The following NAV3 variants were observed in gnomAD, a reference collection of about 807,000 sequenced individuals.
NAV3 encodes neuron navigator 3.
NAV3 carries 87 observed loss-of-function variants against 244.7 expected under a neutral mutation model. The ratio of observed to expected loss-of-function variants is 0.36; its 90% CI spans 0.30 to 0.42. The LOEUF (loss-of-function observed/expected upper bound fraction) is 0.42, where lower values mean the gene tolerates loss of function less well. Among genes scored for constraint, NAV3 ranks in the 20% least tolerant of loss-of-function variants. The pLI, the probability that NAV3 is intolerant of heterozygous loss-of-function variation, is 1.00. For synonymous variants in NAV3, 1,126 were observed against 1,042.2 expected, an observed-to-expected ratio of 1.08 and a Z score of -1.55; for missense variants, 2,663 against 2,893.3, an observed-to-expected ratio of 0.92 and a Z score of 1.83.
intron 2 of NAV3, among the ~76,000 whole-genome samples, chr12:77,653,603 C>A (rs555005143): frequency 6.6e-6 from 1 of 152,262 alleles, no homozygotes; most frequent in African/African-American, 2.4e-5. Flanking sequence ...CCATATAACA[C>A]TATTGATTTG....
At chr12:77,660,496 A>G (rs548452733) in intron 2 of NAV3, among the ~76,000 whole-genome samples, 65 of 152,198 alleles carry the variant, frequency 4.3e-4, no homozygotes, top group Non-Finnish European at 6.9e-4. Context: ...TTCTAGACAA[A>G]TTATCTAAAG....
intron 2 of NAV3, among the ~76,000 whole-genome samples, chr12:77,654,780 A>G (rs940965853): frequency 6.9e-6 from 1 of 144,166 alleles, no homozygotes; most frequent in African/African-American, 2.8e-5. Context: ...ACGATCAGAC[A>G]GCAGCATATT....
intron 11 of NAV3, among the ~76,000 whole-genome samples, chr12:78,051,375 A>G (rs1882736402): frequency 1.3e-5 from 2 of 152,232 alleles, no homozygotes; most frequent in African/African-American, 4.8e-5. Context: ...TCTGTTGTTG[A>G]GAGAAACACA....
intron 2 of NAV3, among the ~76,000 whole-genome samples, chr12:77,671,616 T>TA: frequency 6.6e-6 from 1 of 152,058 alleles, no homozygotes; most frequent in East Asian, 1.9e-4. Context: ...ACCAAATACT[T>TA]ACAGCCAACT....
At chr12:78,141,818 C>T (rs1479186445) in intron 20 of NAV3, among the ~76,000 whole-genome samples, 1 of 152,084 alleles carries the variant, frequency 6.6e-6, no homozygotes, top group African/African-American at 2.4e-5. Flanking sequence ...TCCTGTTGGG[C>T]CAGCACTGCC....
chr12:77,931,575 A>G (rs77008457), intron 1 of NAV3, among the ~76,000 whole-genome samples: 5 of 152,118 alleles, frequency 3.3e-5, no homozygotes, highest in East Asian at 1.9e-4. Flanking sequence ...ATAAAAATCT[A>G]CTTGGAAGCG....
intron 2 of NAV3, among the ~76,000 whole-genome samples, chr12:77,700,338 T>C (rs2137199612): frequency 6.6e-6 from 1 of 152,202 alleles, no homozygotes; most frequent in East Asian, 1.9e-4. Context: ...AATGGGAGCA[T>C]GAAGGAGAGT....
At chr12:78,033,740 A>G (rs976502982) in intron 9 of NAV3, among the ~76,000 whole-genome samples, 2 of 152,296 alleles carry the variant, frequency 1.3e-5, no homozygotes, top group East Asian at 3.9e-4. Context: ...TGCTGGCTCC[A>G]TTGGACTGAG....
upstream of NAV3, among the ~76,000 whole-genome samples, chr12:77,830,752 T>G (rs188605570): frequency 5.5e-4 from 84 of 152,332 alleles, no homozygotes; most frequent in Middle Eastern, 3.4e-3. Flanking sequence ...GACAAACAAC[T>G]TTATTGCTGA....
chr12:77,661,554 G>C (rs551447121), intron 2 of NAV3, among the ~76,000 whole-genome samples: 4 of 152,122 alleles, frequency 2.6e-5, no homozygotes, highest in African/African-American at 9.6e-5. Context: ...TTTTGCTGAA[G>C]TTCAGTTTAA....
intron 2 of NAV3, among the ~76,000 whole-genome samples, chr12:77,730,035 A>G (rs941015222): frequency 6.6e-6 from 1 of 151,926 alleles, no homozygotes; most frequent in African/African-American, 2.4e-5. Context: ...CTTGTTGAAA[A>G]CATTCAGGCT....
intron 6 of NAV3, 25 bp from the exon 7 acceptor site, chr12:77,998,312 T>C (rs747668795): frequency 6.5e-7 from 1 of 1,532,222 alleles, no homozygotes; most frequent in South Asian, 1.3e-5. Context: ...ACAATAATGA[T>C]GTAATTTTTC....
chr12:77,934,985 A>C (rs1319457998), intron 1 of NAV3, among the ~76,000 whole-genome samples: 1 of 152,066 alleles, frequency 6.6e-6, no homozygotes, highest in Non-Finnish European at 1.5e-5. Flanking sequence ...TTCCCCTATC[A>C]CTTCTCCCTA....
intron 12 of NAV3, among the ~76,000 whole-genome samples, chr12:78,061,963 T>G (rs1884391099): frequency 6.6e-6 from 1 of 152,252 alleles, no homozygotes; most frequent in South Asian, 2.1e-4. Flanking sequence ...TTTATTCTAC[T>G]AAAAACTATG....
At position 78,212,978 on chromosome 12, in the gene NAV3, C is replaced by T. The variant is rs190058789; in HGVS notation, c.*2461C>T. 6.6e-6 allele frequency: 1 copy of T among 152,638 alleles called. No individual in the cohort carries two copies. The highest frequency in any genetic ancestry group is 2.4e-5 in the African/African-American group (1 of 41,540). 9.5% of individuals were successfully genotyped at this position (152,638 alleles called of 1,614,324 possible). On this transcript the variant is annotated 3_prime_UTR_variant, in exon 40 of 40. Transcript: ENST00000397909. Reference sequence around the variant, plus strand: ...CACCCTGTATCTGTCTAAATTATTACTTTGCCATTAAAGTGGAATTATTTA... The same window carrying T: ...CACCCTGTATCTGTCTAAATTATTATTTTGCCATTAAAGTGGAATTATTTA...
intron 2 of NAV3, among the ~76,000 whole-genome samples, chr12:77,631,175 C>A (rs1255975512): frequency 1.3e-5 from 2 of 152,086 alleles, no homozygotes; most frequent in Non-Finnish European, 2.9e-5. Flanking sequence ...CTGGACATAA[C>A]TATTGGTGAA....
chr12:77,681,853 C>T (rs1029823167), intron 2 of NAV3, among the ~76,000 whole-genome samples: 1 of 152,066 alleles, frequency 6.6e-6, no homozygotes, highest in Non-Finnish European at 1.5e-5. Flanking sequence ...ATCATTTGTT[C>T]CTTTTTTAAA....
chr12:77,984,991 T>A lies in NAV3; in HGVS notation c.672-9812T>A, dbSNP rs562016489. 1.6e-4 allele frequency among the ~76,000 whole-genome samples: 24 copies of A among 152,294 alleles called. No homozygotes were observed. The East Asian group carries it at 1.7e-3, about 11-fold the overall frequency. ...GCCACCACGTTCAGCTAATTTTTTG[T>A]ATTTTTAGTACAGACAGGGTTTCAA... On this transcript the variant is annotated intron_variant, in intron 5 of 39. Coordinates refer to ENST00000397909, the MANE Select transcript of NAV3 (RefSeq NM_001024383.2).
At chr12:77,588,524 T>G (rs1869749674) in intron 2 of NAV3, among the ~76,000 whole-genome samples, 1 of 152,166 alleles carries the variant, frequency 6.6e-6, no homozygotes, top group Admixed American at 6.5e-5. Flanking sequence ...CATACTGGTG[T>G]TCACACCACA....
Sources: gnomAD v4.1 joint callset for allele counts (sites outside exome capture counted in the v4.1 genomes callset) on GRCh38, gnomAD v4.1.1 for gene constraint, MANE v1.5 for transcripts, NCBI Gene and HGNC (gene_info 2026-07-23, HGNC 2026-07-21) for gene names.